The following RPN2 variants were observed in gnomAD, a reference collection of about 807,000 sequenced individuals.
The protein encoded by RPN2 is dolichyl-diphosphooligosaccharide--protein glycosyltransferase subunit 2.
A neutral mutation model predicts 71.4 loss-of-function variants in RPN2; 29 were observed. The observed-to-expected ratio is 0.41, with a 90% confidence interval of 0.30 to 0.55. The LOEUF (loss-of-function observed/expected upper bound fraction) is 0.55, where lower values mean the gene tolerates loss of function less well. RPN2 is among the 20% of genes least tolerant of loss of function. The pLI is 0.35. For missense variants in RPN2, 726 were observed against 774.1 expected (o/e 0.94, Z 0.74); for synonymous variants, 308 against 305.0 (o/e 1.01, Z -0.10).
intron 9 of RPN2, among the ~76,000 whole-genome samples, chr20:37,220,469 C>T (rs1425523348): frequency 1.3e-5 from 2 of 152,024 alleles, no homozygotes; most frequent in African/African-American, 2.4e-5. Flanking sequence ...CCCTAATGCA[C>T]CATCATTTTT....
intron 6 of RPN2, 74 bp downstream of exon 6, chr20:37,204,975 CAG>C: frequency 6.2e-7 from 1 of 1,604,646 alleles, no homozygotes; most frequent in Non-Finnish European, 8.5e-7. Flanking sequence ...TGGCTTTTAT[CAG>C]AGAGGAATGT....
chr20:37,213,027 GAT>G (rs149177615), intron 8 of RPN2, among the ~76,000 whole-genome samples: 1,872 of 152,082 alleles, frequency 0.012, 36 homozygotes, highest in African/African-American at 0.043. Context: ...ATAAAAGTAA[GAT>G]ATGTCCTTTT....
rs199885655 is a variant in RPN2, at chr20:37,215,531, CTTTTCTTTTT to C, written c.1092+1674_1092+1683del. ...ATATTAAAAGGAAAGTTCTTTTTTT[CTTTTCTTTTT>C]TTTTCTTGAAACCTCTTCTTCCCTG... On this transcript the variant is annotated intron_variant, in intron 9 of 16. Transcript: ENST00000237530. Among the ~76,000 whole-genome samples the C allele has an allele frequency of 4.9e-3, 742 of 152,146 alleles. 6 individuals are homozygous for C. The highest frequency in any genetic ancestry group is 0.017 in the African/African-American group (710 of 41,528).
At chr20:37,228,452 A>C in intron 11 of RPN2, 98 bp from the exon 12 acceptor site, 8 of 1,157,722 alleles carry the variant, frequency 6.9e-6, no homozygotes, top group South Asian at 1.3e-5. Context: ...CACTGTGACA[A>C]AGCGCTAATA....
chr20:37,205,784 T>C (rs899872357), intron 6 of RPN2, among the ~76,000 whole-genome samples: 1 of 152,220 alleles, frequency 6.6e-6, no homozygotes, highest in African/African-American at 2.4e-5. Flanking sequence ...ATTTCTGTTA[T>C]GGGTGAAATT....
chr20:37,192,287 T>G (rs1326975362), intron 2 of RPN2, among the ~76,000 whole-genome samples: 1 of 152,244 alleles, frequency 6.6e-6, no homozygotes, highest in Non-Finnish European at 1.5e-5. Context: ...GAGGCAATCC[T>G]TCACGCAGTA....
rs758988674 is a variant in RPN2 at position 37,207,447 on chromosome 20, C to T, written c.865C>T (p.Arg289Trp). The T allele has an allele frequency of 8.7e-6, 14 of 1,613,898 alleles. No homozygotes were observed. Among genetic ancestry groups the T allele is most frequent in the Admixed American group, 1.7e-5 (1 of 60,022 alleles). Residue 289 changes from arginine to tryptophan, a missense_variant and splice_region_variant, in exon 7 of 17, where the codon CGG becomes TGG. Arg to Trp is a moderately radical substitution (Grantham distance 101). Coordinates refer to ENST00000237530, the MANE Select transcript of RPN2 (RefSeq NM_002951.5). ...CGACACTCATGAACAGGCTATCTTG[C>T]GGGTAAGACATCCATGCCCAAAGTG... Reference protein sequence around the residue: ...ASDTHEQAILRLQVTNVLSQP... With the variant: ...ASDTHEQAILWLQVTNVLSQP...
At chr20:37,186,347 T>C (rs1188238997) in intron 2 of RPN2, among the ~76,000 whole-genome samples, 2 of 152,224 alleles carry the variant, frequency 1.3e-5, no homozygotes, top group African/African-American at 2.4e-5. Flanking sequence ...CTGCCTACCA[T>C]TTCTTGTATT....
At chr20:37,220,556 A>G (rs953769763) in intron 9 of RPN2, among the ~76,000 whole-genome samples, 4 of 152,170 alleles carry the variant, frequency 2.6e-5, no homozygotes, top group African/African-American at 9.7e-5. Flanking sequence ...ACATTTTTTG[A>G]GATGTATATG....
chr20:37,191,081 C>T (rs965414047), intron 2 of RPN2, among the ~76,000 whole-genome samples: 6 of 152,192 alleles, frequency 3.9e-5, no homozygotes, highest in Middle Eastern at 6.8e-3. Context: ...GTTATTATCT[C>T]GTAAGAGGTT....
At chr20:37,203,361 C>CTTTTT (rs11348988) in intron 4 of RPN2, among the ~76,000 whole-genome samples, 1 of 138,110 alleles carries the variant, frequency 7.2e-6, no homozygotes, top group African/African-American at 2.7e-5. Flanking sequence ...TTGCTTCAAT[C>CTTTTT]TTTTTTTTTT....
chr20:37,183,503 C>A (rs2066930605), intron 1 of RPN2, among the ~76,000 whole-genome samples: 1 of 152,188 alleles, frequency 6.6e-6, no homozygotes, highest in African/African-American at 2.4e-5. Context: ...CCAGATCTTT[C>A]TGTATTAACT....
At position 37,225,808 on chromosome 20, in the gene RPN2, G is replaced by A; in HGVS notation, c.1299+6G>A. The A allele has an allele frequency of 6.3e-7, 1 of 1,577,952 alleles. No homozygotes were observed. Among genetic ancestry groups the A allele is most frequent in the Non-Finnish European group, 8.7e-7 (1 of 1,147,024 alleles). Reference sequence around the variant, plus strand: ...CTGAACTCACTCCTCACCAGGTCAGGAAGACACCTAGACAGTTCTCTTAAC... The same window carrying A: ...CTGAACTCACTCCTCACCAGGTCAGAAAGACACCTAGACAGTTCTCTTAAC... On this transcript the variant is annotated splice_donor_region_variant and intron_variant, in intron 11 of 16. Transcript: ENST00000237530.
At chr20:37,193,943 C>G (rs1568966554) in intron 2 of RPN2, among the ~76,000 whole-genome samples, 1 of 152,072 alleles carries the variant, frequency 6.6e-6, no homozygotes, top group African/African-American at 2.4e-5. Flanking sequence ...GGCCTAGGAG[C>G]TGAGAAACAG....
chr20:37,193,610 A>AGGCAGGAGACAGAAG (rs2067193673), intron 2 of RPN2, among the ~76,000 whole-genome samples: 1 of 152,206 alleles, frequency 6.6e-6, no homozygotes, highest in African/African-American at 2.4e-5. Flanking sequence ...GACAGACTAT[A>AGGCAGGAGACAGAAG]GCAGGGGGCT....
intron 5 of RPN2, 132 bp from the exon 6 acceptor site, chr20:37,204,635 A>C (rs747373277): frequency 2.9e-5 from 29 of 991,308 alleles, no homozygotes; most frequent in Non-Finnish European, 4.7e-5. Context: ...GAAAGTATGA[A>C]GTGACTGAGA....
In RPN2 at chr20:37,225,787, A is replaced by G. The variant is rs1427045769; in HGVS notation, c.1284A>G (p.Glu428=). The change falls in exon 11 of 17, where the codon GAA becomes GAG. Residue 428 remains glutamate, a synonymous_variant. Coordinates refer to ENST00000237530, the MANE Select transcript of RPN2 (RefSeq NM_002951.5). ...TGGTAGATGTGAACACTGGTGCTGA[A>G]CTCACTCCTCACCAGGTCAGGAAGA... The part of the protein sequence containing the change: ...FQLVDVNTGA[E]LTPHQTFVRL... 6.2e-7 allele frequency: 1 copy of G among 1,611,930 alleles called. No homozygotes were observed. Among genetic ancestry groups the G allele is most frequent in the Non-Finnish European group, 8.5e-7 (1 of 1,178,012 alleles).
chr20:37,202,693 G>T (rs1388682698), intron 4 of RPN2, among the ~76,000 whole-genome samples: 2 of 152,010 alleles, frequency 1.3e-5, no homozygotes, highest in African/African-American at 4.8e-5. Flanking sequence ...CAGAATTATA[G>T]ATAAAAATAT....
At chr20:37,200,589 G>A (rs1014519846) in intron 4 of RPN2, 7 of 493,440 alleles carry the variant, frequency 1.4e-5, no homozygotes, top group Non-Finnish European at 2.1e-5. Flanking sequence ...CAGATTTTCT[G>A]TAAACTTAAA....
Sources: gnomAD v4.1 joint callset for allele counts (sites outside exome capture counted in the v4.1 genomes callset) on GRCh38, gnomAD v4.1.1 for gene constraint, MANE v1.5 for transcripts, NCBI Gene and HGNC (gene_info 2026-07-23, HGNC 2026-07-21) for gene names.